The following PARP8 variants were observed in gnomAD, a reference collection of about 807,000 sequenced individuals.
PARP8 encodes the protein poly(ADP-ribose) polymerase family member 8, also known as protein mono-ADP-ribosyltransferase PARP8.
PARP8 carries 51 observed loss-of-function variants against 124.1 expected under a neutral mutation model. The observed-to-expected ratio is 0.41, with a 90% confidence interval of 0.33 to 0.52. The LOEUF (loss-of-function observed/expected upper bound fraction) is 0.52. Ranked by LOEUF, PARP8 falls within the 20% of genes least tolerant of loss-of-function variation. PARP8 has a pLI of 0.21. For missense variants in PARP8, 860 were observed against 1,018.9 expected (o/e 0.84, Z 2.12); for synonymous variants, 391 against 361.5 (o/e 1.08, Z -0.93).
At chr5:50,813,523 C>T (rs1475807354) in intron 14 of PARP8, among the ~76,000 whole-genome samples, 1 of 152,034 alleles carries the variant, frequency 6.6e-6, no homozygotes, top group East Asian at 1.9e-4. Context: ...AAATATACAA[C>T]CATGTCATCT....
intron 2 of PARP8, among the ~76,000 whole-genome samples, chr5:50,701,054 A>C (rs1482885221): frequency 6.6e-6 from 1 of 152,126 alleles, no homozygotes; most frequent in Non-Finnish European, 1.5e-5. Context: ...TTCAAATCTT[A>C]CATTGTTTGA....
intron 7 of PARP8, among the ~76,000 whole-genome samples, chr5:50,772,311 A>G (rs145585955): frequency 6.6e-6 from 1 of 152,318 alleles, no homozygotes; most frequent in East Asian, 1.9e-4. Flanking sequence ...TGCAATATAC[A>G]TGGGGGCACA....
intron 12 of PARP8, 80 bp from the exon 13 acceptor site, chr5:50,796,902 T>C: frequency 2.5e-6 from 3 of 1,202,478 alleles, no homozygotes; most frequent in Non-Finnish European, 2.3e-6. Flanking sequence ...GTATTCACTA[T>C]TGCAAAGAGT....
intron 2 of PARP8, among the ~76,000 whole-genome samples, chr5:50,684,560 A>G (rs899817697): frequency 6.6e-6 from 1 of 152,088 alleles, no homozygotes; most frequent in Non-Finnish European, 1.5e-5. Context: ...AATGTCATAA[A>G]AAGGATAAAA....
intron 7 of PARP8, among the ~76,000 whole-genome samples, chr5:50,768,311 A>C (rs1761251181): frequency 6.6e-6 from 1 of 152,170 alleles, no homozygotes; most frequent in Non-Finnish European, 1.5e-5. Context: ...AGTGGCTCAA[A>C]GTCCATATTC....
chr5:50,713,598 G>A (rs1457403270), intron 2 of PARP8, among the ~76,000 whole-genome samples: 1 of 151,514 alleles, frequency 6.6e-6, no homozygotes, highest in Non-Finnish European at 1.5e-5. Flanking sequence ...AATATAATGT[G>A]GTAGACAGAA....
chr5:50,756,220 T>TG (rs1046977755), intron 3 of PARP8, among the ~76,000 whole-genome samples: 2 of 152,062 alleles, frequency 1.3e-5, no homozygotes, highest in African/African-American at 4.8e-5. Flanking sequence ...AACACTATGT[T>TG]GAATAGGAGT....
chr5:50,839,510 T>G (rs1168101579), intron 25 of PARP8, among the ~76,000 whole-genome samples: 3 of 152,074 alleles, frequency 2.0e-5, no homozygotes, highest in Non-Finnish European at 4.4e-5. Flanking sequence ...TGATTTTTCT[T>G]GATTATTATA....
intron 2 of PARP8, among the ~76,000 whole-genome samples, chr5:50,747,172 T>TC (rs1223165346): frequency 6.9e-6 from 1 of 145,148 alleles, no homozygotes; most frequent in East Asian, 2.0e-4. Context: ...TGTTTTTTTT[T>TC]TTTTTTTTGT....
At chr5:50,692,642 T>A (rs1484546112) in intron 2 of PARP8, among the ~76,000 whole-genome samples, 1 of 152,122 alleles carries the variant, frequency 6.6e-6, no homozygotes, top group African/African-American at 2.4e-5. Context: ...CTGTGAGAAT[T>A]CTCTTTGTCC....
chr5:50,733,104 A>C (rs1186373018), intron 2 of PARP8, among the ~76,000 whole-genome samples: 1 of 151,672 alleles, frequency 6.6e-6, no homozygotes, highest in Non-Finnish European at 1.5e-5. Flanking sequence ...GAGTTTGAGA[A>C]CAGTCTGGCC....
rs538506821 is a variant in PARP8, at chr5:50,716,633, T to A, written c.147-33518T>A. Among the ~76,000 whole-genome samples, 9 of 152,144 alleles carry A rather than the reference T, an allele frequency of 5.9e-5. No homozygotes were observed. The South Asian group carries it at 1.9e-3, about 32-fold the overall frequency. ...CTAGCATGAATGACTCCATTTTAGT[T>A]TTGTCTGGTCTTTGGGCTTAGTGCA... is the stretch of plus-strand genomic sequence containing the variant. On this transcript the variant is annotated intron_variant, in intron 2 of 25. Transcript: ENST00000281631.
At chr5:50,689,967 C>T (rs1752322202) in intron 2 of PARP8, among the ~76,000 whole-genome samples, 1 of 152,196 alleles carries the variant, frequency 6.6e-6, no homozygotes, top group South Asian at 2.1e-4. Context: ...TACTCAACAG[C>T]TAAAGCTCTT....
rs1208199752 is a variant in PARP8, at chr5:50,845,886, T to G, written c.*3818T>G. ...TTGGCATTTAATGCCTGCTAAATTT[T>G]TGTCCGATTATATATAGATTTGATG... On this transcript the variant is annotated 3_prime_UTR_variant, in exon 26 of 26. Coordinates refer to ENST00000281631, the MANE Select transcript of PARP8 (RefSeq NM_024615.4). The G allele has an allele frequency of 6.6e-6, 1 of 151,802 alleles. No homozygotes were observed. The highest frequency in any genetic ancestry group is 1.5e-5 in the Non-Finnish European group (1 of 67,832). 9.4% of individuals were successfully genotyped at this position (151,802 alleles called of 1,614,324 possible).
intron 2 of PARP8, among the ~76,000 whole-genome samples, chr5:50,742,124 A>T (rs1455374602): frequency 6.6e-6 from 1 of 152,186 alleles, no homozygotes; most frequent in Non-Finnish European, 1.5e-5. Context: ...TTTATTTTCT[A>T]GAAGGAGAAC....
intron 2 of PARP8, among the ~76,000 whole-genome samples, chr5:50,731,851 A>C (rs1299704683): frequency 6.6e-6 from 1 of 152,182 alleles, no homozygotes; most frequent in Admixed American, 6.5e-5. Flanking sequence ...CTCCAAACAT[A>C]TTTAGCGGTA....
intron 2 of PARP8, among the ~76,000 whole-genome samples, chr5:50,674,625 G>C (rs1015308530): frequency 2.6e-5 from 4 of 152,186 alleles, no homozygotes; most frequent in African/African-American, 9.7e-5. Flanking sequence ...GCCTTTGAGA[G>C]CTGCCTTCCC....
intron 2 of PARP8, among the ~76,000 whole-genome samples, chr5:50,731,773 G>C (rs1400482883): frequency 6.6e-6 from 1 of 152,144 alleles, no homozygotes; most frequent in Non-Finnish European, 1.5e-5. Context: ...GTTGGATACA[G>C]CTCCTTATCT....
chr5:50,667,050 G>C lies in PARP8; in HGVS notation c.-46G>C. 3 of 1,596,264 alleles carry C rather than the reference G, an allele frequency of 1.9e-6. No homozygotes were observed. The highest frequency in any genetic ancestry group is 2.2e-5 in the East Asian group (1 of 44,860). ...AAGCTGGAAGCGTGCGAGGGGGGTG[G>C]GGTGGGGTGGAAATAGCGGCTGCTT... On this transcript the variant is annotated 5_prime_UTR_variant, in exon 1 of 26. Transcript: ENST00000281631.
Sources: gnomAD v4.1 joint callset for allele counts (sites outside exome capture counted in the v4.1 genomes callset) on GRCh38, gnomAD v4.1.1 for gene constraint, MANE v1.5 for transcripts, NCBI Gene and HGNC (gene_info 2026-07-23, HGNC 2026-07-21) for gene names.